RTL4: variants seen among roughly 807,000 people sequenced by gnomAD.
The protein encoded by RTL4 is retrotransposon Gag-like protein 4.
Under a neutral mutation model 5.3 loss-of-function variants are expected in RTL4, and 4 were observed. The ratio of observed to expected loss-of-function variants is 0.75; its 90% CI spans 0.37 to 1.72. The LOEUF (loss-of-function observed/expected upper bound fraction) is 1.72, where lower values mean the gene tolerates loss of function less well. RTL4 is among the 40% of genes most tolerant of loss of function. The pLI, the probability that RTL4 is intolerant of heterozygous loss-of-function variation, is 0.04. For synonymous variants in RTL4, 98 were observed against 87.3 expected, an observed-to-expected ratio of 1.12 and a Z score of -0.68; for missense variants, 260 against 227.1, an observed-to-expected ratio of 1.14 and a Z score of -0.93.
At chrX:112,342,850 C>T in the RTL4 span, among the ~76,000 whole-genome samples, 40 of 111,987 alleles carry the variant, frequency 3.6e-4, no homozygotes, top group African/African-American at 6.2e-4. Context: ...GCCTGTAATG[C>T]CAGCACTTTG....
At chrX:112,214,447 G>A in the RTL4 span, among the ~76,000 whole-genome samples, 1 of 111,918 alleles carries the variant, frequency 8.9e-6, no homozygotes, top group Non-Finnish European at 1.9e-5. Flanking sequence ...TCATGTCTTG[G>A]CTACTAGGAA....
At chrX:112,396,376 T>C in the RTL4 span, among the ~76,000 whole-genome samples, 1 of 111,672 alleles carries the variant, frequency 9.0e-6, no homozygotes, top group African/African-American at 3.3e-5. Context: ...CAGTGCCTCT[T>C]TTTGCAATAT....
At chrX:112,209,726 G>A in the RTL4 span, among the ~76,000 whole-genome samples, 3 of 111,399 alleles carry the variant, frequency 2.7e-5, no homozygotes, top group South Asian at 3.8e-4. Context: ...TGCTGGACCC[G>A]TGACCCACTT....
chrX:112,088,227 G>A, the RTL4 span, among the ~76,000 whole-genome samples: 3 of 103,025 alleles, frequency 2.9e-5, no homozygotes, highest in Non-Finnish European at 5.9e-5. Flanking sequence ...CCCCCCTCCA[G>A]CTGTTGACAA....
At chrX:112,196,635 C>T in the RTL4 span, among the ~76,000 whole-genome samples, 1 of 111,500 alleles carries the variant, frequency 9.0e-6, no homozygotes, top group African/African-American at 3.3e-5. Context: ...TGCATCCTTG[C>T]CAACATTTGG....
At chrX:112,319,540 A>C in the RTL4 span, among the ~76,000 whole-genome samples, 30 of 111,972 alleles carry the variant, frequency 2.7e-4, no homozygotes, top group Non-Finnish European at 4.9e-4. Context: ...TTAAATATAT[A>C]GTTCTATGTG....
the RTL4 span, among the ~76,000 whole-genome samples, chrX:112,186,469 G>T: frequency 1.8e-5 from 2 of 111,984 alleles, no homozygotes; most frequent in East Asian, 5.6e-4. Flanking sequence ...ATGTACCATT[G>T]TATCCCCACC....
chrX:112,111,065 A>G, the RTL4 span, among the ~76,000 whole-genome samples: 1 of 111,719 alleles, frequency 9.0e-6, no homozygotes, highest in Non-Finnish European at 1.9e-5. Context: ...ATAGGTTTTA[A>G]ATTTTAAATT....
At chrX:112,145,647 T>TA in the RTL4 span, among the ~76,000 whole-genome samples, 1 of 111,449 alleles carries the variant, frequency 9.0e-6, no homozygotes, top group Non-Finnish European at 1.9e-5. Flanking sequence ...TGTAAACAAG[T>TA]AAAAAAAGTG....
the RTL4 span, among the ~76,000 whole-genome samples, chrX:112,120,337 C>T: frequency 5.4e-5 from 6 of 112,141 alleles, no homozygotes; most frequent in East Asian, 8.4e-4. Flanking sequence ...AGTGCAGTGG[C>T]GCTATCTCAG....
At chrX:112,341,502 T>G in the RTL4 span, among the ~76,000 whole-genome samples, 4,559 of 111,588 alleles carry the variant, frequency 0.041, 246 homozygotes, top group African/African-American at 0.14. Flanking sequence ...GGCCTTTTGG[T>G]GTATGCTAAA....
the RTL4 span, among the ~76,000 whole-genome samples, chrX:112,310,336 T>C: frequency 1.7e-5 from 1 of 60,126 alleles, no homozygotes; most frequent in Non-Finnish European, 2.8e-5. Flanking sequence ...AGAGAGACCT[T>C]ACTGGAGAAC....
At chrX:112,447,193 T>C in the RTL4 span, among the ~76,000 whole-genome samples, 2 of 111,702 alleles carry the variant, frequency 1.8e-5, no homozygotes. Flanking sequence ...CAAATTCAGG[T>C]AGAATCACCT....
chrX:112,320,916 G>C, the RTL4 span, among the ~76,000 whole-genome samples: 1 of 111,703 alleles, frequency 9.0e-6, no homozygotes, highest in Non-Finnish European at 1.9e-5. Flanking sequence ...GCTCCTAAAA[G>C]AGGGAGGGGA....
chrX:112,351,094 A>T, the RTL4 span, among the ~76,000 whole-genome samples: 1 of 111,477 alleles, frequency 9.0e-6, no homozygotes, highest in Admixed American at 9.6e-5. Flanking sequence ...TTCAAAGAAC[A>T]TCTTTATTTC....
the RTL4 span, among the ~76,000 whole-genome samples, chrX:112,405,344 T>C: frequency 4.5e-5 from 5 of 111,994 alleles, no homozygotes; most frequent in Non-Finnish European, 1.9e-5. Context: ...TTCTCCATAT[T>C]ATACAACCCC....
At chrX:112,326,113 G>T in the RTL4 span, among the ~76,000 whole-genome samples, 1 of 112,036 alleles carries the variant, frequency 8.9e-6, no homozygotes, top group South Asian at 3.7e-4. Flanking sequence ...TCTCACACCA[G>T]TTAGAATGGC....
the RTL4 span, among the ~76,000 whole-genome samples, chrX:112,182,461 C>A: frequency 3.2e-4 from 36 of 111,842 alleles, 1 homozygote; most frequent in South Asian, 0.013. Flanking sequence ...GAATTGCTAA[C>A]TAGAATAACC....
chrX:112,327,356 A>C, the RTL4 span, among the ~76,000 whole-genome samples: 194 of 112,472 alleles, frequency 1.7e-3, no homozygotes, highest in African/African-American at 5.7e-3. Flanking sequence ...CTACGTGAAG[A>C]ATGCAGAAGC....
Sources: gnomAD v4.1 joint callset for allele counts (sites outside exome capture counted in the v4.1 genomes callset) on GRCh38, gnomAD v4.1.1 for gene constraint, MANE v1.5 for transcripts, NCBI Gene and HGNC (gene_info 2026-07-23, HGNC 2026-07-21) for gene names.